Variants in EHMT1 observed in about 807,000 individuals in gnomAD.
EHMT1 encodes euchromatic histone lysine methyltransferase 1, also known as histone-lysine N-methyltransferase EHMT1.
Under a neutral mutation model 147.2 loss-of-function variants are expected in EHMT1, and 15 were observed. The ratio of observed to expected loss-of-function variants is 0.10; its 90% CI spans 0.07 to 0.16. EHMT1 has a LOEUF of 0.16. EHMT1 is among the 10% of genes least tolerant of loss of function. The pLI is 1.00. For synonymous variants in EHMT1, 795 were observed against 709.6 expected, an observed-to-expected ratio of 1.12 and a Z score of -1.91; for missense variants, 1,587 against 1,772.4, an observed-to-expected ratio of 0.90 and a Z score of 1.88.
intron 6 of EHMT1, chr9:137,746,000 CT>C (rs1207866567): frequency 4.5e-5 from 7 of 156,338 alleles, no homozygotes; most frequent in African/African-American, 1.4e-4. Context: ...CATTTTTCTT[CT>C]GGATTTTGCA....
chr9:137,682,925 G>T (rs1016094372), intron 1 of EHMT1, among the ~76,000 whole-genome samples: 2 of 152,228 alleles, frequency 1.3e-5, no homozygotes, highest in Admixed American at 6.5e-5. Flanking sequence ...GCACGTGCGA[G>T]TGAGTGCCCA....
At chr9:137,830,311 C>T (rs1415781040) in intron 25 of EHMT1, among the ~76,000 whole-genome samples, 2 of 152,172 alleles carry the variant, frequency 1.3e-5, no homozygotes, top group Admixed American at 1.3e-4. Flanking sequence ...CCAGGATGTC[C>T]TTGTGCTTTT....
chr9:137,708,631 A>T (rs1213841658), intron 1 of EHMT1, among the ~76,000 whole-genome samples: 2 of 152,258 alleles, frequency 1.3e-5, no homozygotes, highest in East Asian at 3.8e-4. Flanking sequence ...GGGGACAGAT[A>T]CACATTTACA....
intron 4 of EHMT1, among the ~76,000 whole-genome samples, chr9:137,734,484 G>GGGGACC (rs1454789636): frequency 6.6e-6 from 1 of 152,200 alleles, no homozygotes; most frequent in Non-Finnish European, 1.5e-5. Context: ...AGCAGAGCCT[G>GGGGACC]GGGACCTGTG....
intron 1 of EHMT1, among the ~76,000 whole-genome samples, chr9:137,635,902 T>C (rs1045790346): frequency 2.0e-5 from 3 of 152,092 alleles, no homozygotes; most frequent in African/African-American, 7.2e-5. Context: ...TTTTTGATGC[T>C]TTTATAAATA....
At chr9:137,811,697 C>T in intron 19 of EHMT1, 82 bp downstream of exon 19, 3 of 1,579,018 alleles carry the variant, frequency 1.9e-6, no homozygotes, top group Non-Finnish European at 2.6e-6. Context: ...GTCTTGTGTT[C>T]ACACTTGGGG....
At chr9:137,679,544 T>C (rs914656956) in intron 1 of EHMT1, among the ~76,000 whole-genome samples, 14 of 152,200 alleles carry the variant, frequency 9.2e-5, no homozygotes, top group Middle Eastern at 3.2e-3. Context: ...TTTCCTCCTC[T>C]TCTTACTAAT....
At chr9:137,736,583 T>C (rs1164295687) in intron 4 of EHMT1, among the ~76,000 whole-genome samples, 2 of 152,232 alleles carry the variant, frequency 1.3e-5, no homozygotes, top group Non-Finnish European at 2.9e-5. Context: ...TAAGTCTCAA[T>C]GTTGATTTTA....
rs1943926459 is a variant in EHMT1, at chr9:137,702,557, C to G, written c.22-8410C>G. Among the ~76,000 whole-genome samples the G allele has an allele frequency of 3.3e-5, 5 of 152,142 alleles. No individual in the cohort carries two copies. The South Asian group carries it at 1.0e-3, about 31-fold the overall frequency. On this transcript the variant is annotated intron_variant, in intron 1 of 26. Coordinates refer to ENST00000460843, the MANE Select transcript of EHMT1 (RefSeq NM_024757.5). ...CCCAAGGCCTTGGGCAGCTCTGCCTCTGTGGCTCTTCAGGGTACAGCTCCT... is the reference window on the plus strand; with the variant it reads ...CCCAAGGCCTTGGGCAGCTCTGCCTGTGTGGCTCTTCAGGGTACAGCTCCT...
chr9:137,799,336 G>T (rs1209828658), intron 17 of EHMT1, among the ~76,000 whole-genome samples: 1 of 152,122 alleles, frequency 6.6e-6, no homozygotes, highest in African/African-American at 2.4e-5. Context: ...CTGTGTCTAG[G>T]TATTACCATT....
At chr9:137,758,350 C>T (rs576426107) in intron 9 of EHMT1, among the ~76,000 whole-genome samples, 3 of 152,324 alleles carry the variant, frequency 2.0e-5, no homozygotes, top group East Asian at 1.9e-4. Context: ...CACACGGGGA[C>T]GTACTGTTGA....
intron 10 of EHMT1, among the ~76,000 whole-genome samples, chr9:137,768,352 T>G (rs1418876179): frequency 2.8e-5 from 4 of 144,198 alleles, no homozygotes; most frequent in South Asian, 2.3e-4. Flanking sequence ...TGTGTGTTTT[T>G]TTTTTTTTTT....
intron 1 of EHMT1, among the ~76,000 whole-genome samples, chr9:137,681,521 G>GT (rs1461970670): frequency 1.3e-5 from 2 of 152,156 alleles, no homozygotes; most frequent in Non-Finnish European, 2.9e-5. Context: ...AAAATATGTT[G>GT]TTTTTTCTCT....
chr9:137,820,486 A>T (rs1955320792), intron 25 of EHMT1, among the ~76,000 whole-genome samples: 2 of 152,166 alleles, frequency 1.3e-5, no homozygotes, highest in Non-Finnish European at 2.9e-5. Flanking sequence ...GAGTGAACAG[A>T]AGTTCTTTTT....
chr9:137,671,520 CTTTTTTTTTTT>C (rs71493689), intron 1 of EHMT1, among the ~76,000 whole-genome samples: 6 of 105,348 alleles, frequency 5.7e-5, no homozygotes, highest in Non-Finnish European at 1.2e-4. Context: ...CCTTTTCTTT[CTTTTTTTTTTT>C]TTTTTTTTTT....
rs77433054 is a variant in EHMT1 at position 137,690,995 on chromosome 9, ATT to A, written c.22-19971_22-19970del. 2.6e-5 allele frequency among the ~76,000 whole-genome samples: 4 copies of A among 152,296 alleles called. No homozygotes were observed. In the East Asian group the frequency reaches 7.7e-4, roughly 29 times the overall value. ...ACCATTTTTAAGTATAAAGCTCAGT[ATT>A]GTTAAGTATATTCACATTGTGCTGC... On this transcript the variant is annotated intron_variant, in intron 1 of 26. Transcript: ENST00000460843.
At chr9:137,713,237 C>T (rs1423258922) in intron 2 of EHMT1, among the ~76,000 whole-genome samples, 2 of 150,612 alleles carry the variant, frequency 1.3e-5, no homozygotes, top group African/African-American at 2.5e-5. Context: ...GCTGGGACCA[C>T]AGGTGTGAGC....
intron 1 of EHMT1, among the ~76,000 whole-genome samples, chr9:137,663,138 C>G (rs1381106030): frequency 1.3e-5 from 2 of 152,198 alleles, no homozygotes; most frequent in Non-Finnish European, 2.9e-5. Context: ...GATATCCACT[C>G]ATTTTATTAT....
rs1376124493 is a variant in EHMT1 at position 137,776,876 on chromosome 9, A to G, written c.2018+32A>G. The G allele has an allele frequency of 1.2e-6, 2 of 1,607,032 alleles. No homozygotes were observed. The highest frequency in any genetic ancestry group is 2.2e-5 in the East Asian group (1 of 44,834). ...GGCACAGGCTCTGGCTGGGCTCTCC[A>G]GTCGTCCACCTGAAAAAGTTTCAGT... On this transcript the variant is annotated intron_variant, in intron 12 of 26. Transcript: ENST00000460843. This position sits in a 1 kb window ranked among gnomAD's most constrained non-coding sequence, Gnocchi z 4.4.
Sources: gnomAD v4.1 joint callset for allele counts (sites outside exome capture counted in the v4.1 genomes callset) on GRCh38, gnomAD v4.1.1 for gene constraint, Gnocchi (gnomAD v3.1) non-coding constraint, MANE v1.5 for transcripts, NCBI Gene and HGNC (gene_info 2026-07-23, HGNC 2026-07-21) for gene names.